The following HNRNPH1 variants were observed in gnomAD, a reference collection of about 807,000 sequenced individuals.
HNRNPH1 encodes heterogeneous nuclear ribonucleoprotein H1, also known as heterogeneous nuclear ribonucleoprotein H.
Under a neutral mutation model 58.6 loss-of-function variants are expected in HNRNPH1, and 4 were observed. The ratio of observed to expected loss-of-function variants is 0.07; its 90% CI spans 0.03 to 0.16. The LOEUF is 0.16. Among genes scored for constraint, HNRNPH1 ranks in the 10% least tolerant of loss-of-function variants. The pLI, the probability that HNRNPH1 is intolerant of heterozygous loss-of-function variation, is 1.00. For synonymous variants in HNRNPH1, 192 were observed against 189.2 expected, an observed-to-expected ratio of 1.01 and a Z score of -0.12; for missense variants, 271 against 564.2, an observed-to-expected ratio of 0.48 and a Z score of 5.26.
rs1352912984 is a variant in HNRNPH1, at chr5:179,630,737, C to T, written c.-32+3328G>A. ...TCATCCTGGTCAACATGGTGAAACC[C>T]CGTCTCTACTAAAAGTACAAAAAAT... is the stretch of plus-strand genomic sequence containing the variant. On this transcript the variant is annotated intron_variant, in intron 2 of 4. Transcript: ENST00000521116. Among the ~76,000 whole-genome samples, 22 of 151,984 alleles carry T rather than the reference C, an allele frequency of 1.4e-4. 1 individual carries two copies. Among genetic ancestry groups the T allele is most frequent in the Admixed American group, 1.4e-3 (22 of 15,242 alleles).
intron 4 of HNRNPH1, chr5:179,618,531 A>C: frequency 2.3e-6 from 1 of 432,954 alleles, no homozygotes; most frequent in East Asian, 3.6e-5. Flanking sequence ...AGAAAAAAAA[A>C]AAAAACTCAC....
upstream of HNRNPH1, chr5:179,629,115 G>A (rs1434423110): frequency 2.0e-5 from 3 of 149,396 alleles, no homozygotes; most frequent in Non-Finnish European, 4.5e-5. Flanking sequence ...GGATAACACA[G>A]TGAAACCCCG....
At chr5:179,619,498 G>T (rs912536549) in intron 3 of HNRNPH1, 91 bp from the exon 5 acceptor site, 3 of 1,208,036 alleles carry the variant, frequency 2.5e-6, no homozygotes, top group African/African-American at 1.5e-5. Context: ...AAATAAACCA[G>T]AATTTTTAAC....
chr5:179,615,801 TTTAATGTTTTA>T, intron 11 of HNRNPH1: 2 of 518,982 alleles, frequency 3.9e-6, no homozygotes, highest in Non-Finnish European at 6.9e-6. Flanking sequence ...AACAACTTTA[TTTAATGTTTTA>T]ATACATGGAG....
chr5:179,630,633 C>A (rs1311311000), intron 2 of HNRNPH1, among the ~76,000 whole-genome samples: 2 of 152,082 alleles, frequency 1.3e-5, no homozygotes, highest in Admixed American at 1.3e-4. Flanking sequence ...ACATTTCGGC[C>A]TGACGCGGGG....
chr5:179,627,024 G>A (rs989688468), upstream of HNRNPH1, among the ~76,000 whole-genome samples: 6 of 152,062 alleles, frequency 3.9e-5, no homozygotes, highest in Admixed American at 2.0e-4. Flanking sequence ...CTCATGATCC[G>A]CCCACCTCGG....
chr5:179,622,876 C>G (rs1211983163), intron 1 of HNRNPH1, 161 bp downstream of exon 2: 2 of 154,686 alleles, frequency 1.3e-5, no homozygotes, highest in East Asian at 1.9e-4. Context: ...AGCAGCACAG[C>G]GGTGAGTGTA....
chr5:179,622,308 AG>A (rs1389087969), intron 1 of HNRNPH1, among the ~76,000 whole-genome samples: 2 of 152,224 alleles, frequency 1.3e-5, no homozygotes, highest in Admixed American at 6.5e-5. Flanking sequence ...TGGAAACAAG[AG>A]GTTACACTTC....
intron 1 of HNRNPH1, chr5:179,622,029 T>C (rs756753064): frequency 2.2e-6 from 1 of 455,196 alleles, no homozygotes; most frequent in Non-Finnish European, 4.4e-6. Flanking sequence ...AAGCTGTTAA[T>C]TTCATCCAAA....
rs111356422 is a variant in HNRNPH1, at chr5:179,616,113, A to T, written c.1300+13T>A. ...CATAACTTACTCTAAGTACAGTAAC[A>T]AACAGGCTTTACCGTATCCACTCAT... On this transcript the variant is annotated intron_variant, in intron 11 of 12. Transcript: ENST00000356731. The T allele has an allele frequency of 2.5e-6, 4 of 1,601,538 alleles. No homozygotes were observed. Among genetic ancestry groups the T allele is most frequent in the Non-Finnish European group, 3.4e-6 (4 of 1,168,604 alleles).
intron 4 of HNRNPH1, 36 bp from the exon 6 acceptor site, chr5:179,618,359 G>A (rs1298273563): frequency 1.4e-6 from 2 of 1,452,488 alleles, no homozygotes; most frequent in East Asian, 2.3e-5. Flanking sequence ...GTAGGGAGGG[G>A]AGAGAAAACA....
chr5:179,630,660 CCAGCACTTTGGA>C (rs1181371476), intron 2 of HNRNPH1, among the ~76,000 whole-genome samples: 3 of 152,036 alleles, frequency 2.0e-5, no homozygotes, highest in Non-Finnish European at 2.9e-5. Flanking sequence ...GCCTGTAATC[CCAGCACTTTGGA>C]GGGCCGAGGT....
At chr5:179,619,467 A>C in intron 3 of HNRNPH1, 60 bp from the exon 5 acceptor site, 1 of 1,494,304 alleles carries the variant, frequency 6.7e-7, no homozygotes. Context: ...CAAGCCCAGA[A>C]ATGATTCTTC....
At chr5:179,614,590 A>G (rs1768544606) in exon 13 of HNRNPH1, 2 of 317,770 alleles carry the variant, frequency 6.3e-6, no homozygotes, top group East Asian at 5.6e-5. Context: ...AGTACATCCT[A>G]TAACTAACTT....
intron 3 of HNRNPH1, 32 bp downstream of exon 4, chr5:179,620,860 C>A (rs747009222): frequency 6.2e-7 from 1 of 1,607,998 alleles, no homozygotes; most frequent in South Asian, 1.1e-5. Flanking sequence ...CTAGCCAAAA[C>A]TCACTGCTCA....
chr5:179,634,253 T>C (rs1022148562), intron 1 of HNRNPH1: 1 of 124,416 alleles, frequency 8.0e-6, no homozygotes, highest in African/African-American at 3.0e-5. Flanking sequence ...AGGAGGAGTG[T>C]TGGTGTTGCC....
intron 2 of HNRNPH1, among the ~76,000 whole-genome samples, chr5:179,632,745 T>A (rs1774947496): frequency 2.4e-5 from 3 of 123,322 alleles, no homozygotes; most frequent in East Asian, 3.1e-4. Context: ...TAAAGCCAAA[T>A]CAAATATCTT....
intron 4 of HNRNPH1, 43 bp downstream of exon 5, chr5:179,619,226 A>G: frequency 6.6e-7 from 1 of 1,512,134 alleles, no homozygotes; most frequent in Non-Finnish European, 9.1e-7. Flanking sequence ...TTAATTGTTT[A>G]CCATAAGAAA....
chr5:179,631,689 A>G (rs1774840075), intron 2 of HNRNPH1, among the ~76,000 whole-genome samples: 1 of 151,778 alleles, frequency 6.6e-6, no homozygotes, highest in Non-Finnish European at 1.5e-5. Context: ...GGACGTTGCG[A>G]TGAGCTGAGT....
Sources: gnomAD v4.1 joint callset for allele counts (sites outside exome capture counted in the v4.1 genomes callset) on GRCh38, gnomAD v4.1.1 for gene constraint, MANE v1.5 for transcripts, NCBI Gene and HGNC (gene_info 2026-07-23, HGNC 2026-07-21) for gene names.